STK3: variants seen among roughly 807,000 people sequenced by gnomAD.
The protein encoded by STK3 is serine/threonine-protein kinase 3.
STK3 carries 41 observed loss-of-function variants against 58.0 expected under a neutral mutation model. That is an observed-to-expected ratio of 0.71 (90% CI 0.55 to 0.92). STK3 has a LOEUF of 0.92. STK3 is among the 40% of genes least tolerant of loss of function. The pLI, the probability that STK3 is intolerant of heterozygous loss-of-function variation, is 0.00. For missense variants in STK3, 479 were observed against 602.7 expected, an observed-to-expected ratio of 0.79 and a Z score of 2.15; for synonymous variants, 170 against 191.0, an observed-to-expected ratio of 0.89 and a Z score of 0.91.
In STK3 at chr8:98,455,200, G is replaced by A. The variant is rs2131132991; in HGVS notation, c.*642C>T. ...AAAATCAAAAAAACAAAATTTCAAAGGGTAAAAATGGAATTATTGCTTCAA... is the reference window on the plus strand; with the variant it reads ...AAAATCAAAAAAACAAAATTTCAAAAGGTAAAAATGGAATTATTGCTTCAA... On this transcript the variant is annotated 3_prime_UTR_variant, in exon 11 of 11. Transcript: ENST00000419617. The A allele has an allele frequency of 6.6e-6, 1 of 152,456 alleles. No homozygotes were observed. Among genetic ancestry groups the A allele is most frequent in the East Asian group, 1.9e-4 (1 of 5,178 alleles). 9.4% of individuals were successfully genotyped at this position (152,456 alleles called of 1,614,324 possible).
At chr8:98,521,214 G>A (rs1219162010) in intron 10 of STK3, among the ~76,000 whole-genome samples, 2 of 152,154 alleles carry the variant, frequency 1.3e-5, no homozygotes, top group Admixed American at 6.6e-5. Flanking sequence ...AAGGCTATCT[G>A]CCCTATATAA....
At chr8:98,735,532 C>T (rs1828513201) in intron 4 of STK3, among the ~76,000 whole-genome samples, 1 of 151,950 alleles carries the variant, frequency 6.6e-6, no homozygotes, top group African/African-American at 2.4e-5. Flanking sequence ...TTTATAGAGC[C>T]CCAAATACTT....
intron 3 of STK3, among the ~76,000 whole-genome samples, chr8:98,846,806 C>T (rs1237153759): frequency 6.6e-6 from 1 of 151,450 alleles, no homozygotes; most frequent in African/African-American, 2.4e-5. Flanking sequence ...GGTGCTGAAA[C>T]CACAAAGATA....
At chr8:98,906,787 C>T (rs961375772) in intron 1 of STK3, among the ~76,000 whole-genome samples, 1 of 151,790 alleles carries the variant, frequency 6.6e-6, no homozygotes, top group East Asian at 1.9e-4. Context: ...TACCAATTTT[C>T]CTGACCACCT....
chr8:98,392,774 G>T (rs1304940444), upstream of STK3, among the ~76,000 whole-genome samples: 6 of 152,188 alleles, frequency 3.9e-5, no homozygotes, highest in African/African-American at 1.4e-4. Flanking sequence ...ACTTGAGGGG[G>T]GCTTTCCACT....
chr8:98,656,717 C>G (rs1338931548), intron 6 of STK3, among the ~76,000 whole-genome samples: 2 of 151,974 alleles, frequency 1.3e-5, no homozygotes, highest in Non-Finnish European at 2.9e-5. Flanking sequence ...TCCAGTCACT[C>G]TATCATTATC....
At chr8:98,767,486 G>T in intron 2 of STK3, 115 bp from the exon 3 acceptor site, 1 of 975,326 alleles carries the variant, frequency 1.0e-6, no homozygotes, top group Non-Finnish European at 1.4e-6. Context: ...CTATTTAAAT[G>T]ATTAAAAAAT....
At chr8:98,370,699 T>A (rs147706471), downstream of STK3, among the ~76,000 whole-genome samples, 1 of 152,204 alleles carries the variant, frequency 6.6e-6, no homozygotes, top group Non-Finnish European at 1.5e-5. Flanking sequence ...TCTCTTGTTC[T>A]TGGAACCAGC....
intron 3 of STK3, among the ~76,000 whole-genome samples, chr8:98,407,776 A>G (rs1384804748): frequency 6.7e-6 from 1 of 149,250 alleles, no homozygotes; most frequent in Non-Finnish European, 1.5e-5. Context: ...GCGCGCATGC[A>G]TGGTATGACT....
chr8:98,699,997 T>C lies in STK3; in HGVS notation c.684+6470A>G, dbSNP rs548789438. 6.6e-5 allele frequency among the ~76,000 whole-genome samples: 10 copies of C among 152,360 alleles called. 1 individual carries two copies. The South Asian group carries it at 1.9e-3, about 28-fold the overall frequency. ...AGCCTACAGAGGCAGGCAGGCCTCC[T>C]TGAGCTGTGGTGGGCTCTACCCAGT... On this transcript the variant is annotated intron_variant, in intron 6 of 10. Transcript: ENST00000419617.
intron 3 of STK3, among the ~76,000 whole-genome samples, chr8:98,831,620 T>A (rs1211487958): frequency 6.6e-6 from 1 of 152,256 alleles, no homozygotes; most frequent in Non-Finnish European, 1.5e-5. Context: ...TTTTCTGCTA[T>A]AATAAGGAAC....
At chr8:98,383,985 G>A (rs889132288) in intron 1 of STK3, among the ~76,000 whole-genome samples, 1 of 152,208 alleles carries the variant, frequency 6.6e-6, no homozygotes, top group African/African-American at 2.4e-5. Context: ...AGACCACATC[G>A]TTAGAAGAAA....
At chr8:98,553,836 G>A (rs1004633024) in intron 8 of STK3, among the ~76,000 whole-genome samples, 2 of 151,808 alleles carry the variant, frequency 1.3e-5, no homozygotes, top group South Asian at 2.1e-4. Context: ...ATGGTGGCAC[G>A]TTCCTGTAAT....
Position 98,806,018 on chromosome 8 carries a change from C to G in STK3, c.26+19497G>C, listed in dbSNP as rs1833864963. 4.6e-5 allele frequency among the ~76,000 whole-genome samples: 7 copies of G among 152,288 alleles called. No homozygotes were observed. The South Asian group carries it at 1.5e-3, about 32-fold the overall frequency. Reference sequence around the variant, plus strand: ...TACTATGGTCCCACAGCACTTGGCACCTGCCTCATTGTAGTACTTAGTACA... The same window carrying G: ...TACTATGGTCCCACAGCACTTGGCAGCTGCCTCATTGTAGTACTTAGTACA... On this transcript the variant is annotated intron_variant, in intron 1 of 10. Transcript: ENST00000419617.
intron 10 of STK3, among the ~76,000 whole-genome samples, chr8:98,489,203 CAT>C (rs1331691526): frequency 6.6e-6 from 1 of 151,712 alleles, no homozygotes; most frequent in Non-Finnish European, 1.5e-5. Context: ...GATATGAAAA[CAT>C]AATCTGTCAT....
At chr8:98,393,554 C>T (rs1047555555) in intron 3 of STK3, 2 of 152,158 alleles carry the variant, frequency 1.3e-5, no homozygotes, top group African/African-American at 4.8e-5. Context: ...GAGCCCAGGC[C>T]TTAAGAGGCC....
At chr8:98,625,811 C>T (rs1818669335) in intron 6 of STK3, among the ~76,000 whole-genome samples, 1 of 152,078 alleles carries the variant, frequency 6.6e-6, no homozygotes. Flanking sequence ...AGACAACCAC[C>T]ACAGAAAAAA....
At chr8:98,505,884 TC>T (rs1020192836) in intron 10 of STK3, among the ~76,000 whole-genome samples, 19 of 152,182 alleles carry the variant, frequency 1.2e-4, no homozygotes, top group African/African-American at 4.3e-4. Flanking sequence ...GTCTGTCTGT[TC>T]TCAGAGCTCG....
chr8:98,441,671 C>G (rs776081816), intron 1 of STK3, among the ~76,000 whole-genome samples: 6 of 152,356 alleles, frequency 3.9e-5, no homozygotes, highest in Middle Eastern at 3.4e-3. Context: ...TGAGCATCCA[C>G]TATGTACTAT....
Sources: gnomAD v4.1 joint callset for allele counts (sites outside exome capture counted in the v4.1 genomes callset) on GRCh38, gnomAD v4.1.1 for gene constraint, MANE v1.5 for transcripts, NCBI Gene and HGNC (gene_info 2026-07-23, HGNC 2026-07-21) for gene names.